SERPINE3: variants seen among roughly 807,000 people sequenced by gnomAD.
SERPINE3 encodes serpin E3.
SERPINE3 carries 43 observed loss-of-function variants against 41.7 expected under a neutral mutation model. The observed-to-expected ratio is 1.03, with a 90% confidence interval of 0.81 to 1.33. The LOEUF (loss-of-function observed/expected upper bound fraction) is 1.33. Ranked by LOEUF, SERPINE3 falls within the 40% of genes most tolerant of loss-of-function variation. SERPINE3 has a pLI of 0.00. For missense variants in SERPINE3, 440 were observed against 491.7 expected (o/e 0.89, Z 0.99); for synonymous variants, 200 against 192.2 (o/e 1.04, Z -0.34).
chr13:51,357,158 T>C (rs1014980229), intron 7 of SERPINE3, among the ~76,000 whole-genome samples: 2 of 152,220 alleles, frequency 1.3e-5, no homozygotes, highest in East Asian at 1.9e-4. Flanking sequence ...CGGCCCTTTA[T>C]AGAAAAAGAT....
chr13:51,342,327 C>T (rs1955301626), intron 3 of SERPINE3, among the ~76,000 whole-genome samples: 1 of 152,154 alleles, frequency 6.6e-6, no homozygotes, highest in Non-Finnish European at 1.5e-5. Context: ...ACCACCTATA[C>T]CTGGGTGACA....
chr13:51,354,581 C>A (rs1955451485), intron 6 of SERPINE3, among the ~76,000 whole-genome samples: 2 of 149,130 alleles, frequency 1.3e-5, no homozygotes, highest in Non-Finnish European at 3.0e-5. Flanking sequence ...CATAGGGAGA[C>A]CCCATCTCAG....
chr13:51,348,262 T>C lies in SERPINE3; in HGVS notation c.750T>C (p.Pro250=). The change falls in exon 6 of 10, where the codon CCT becomes CCC. Residue 250 remains proline, a synonymous_variant. Transcript: ENST00000681248. Reference sequence around the variant, plus strand: ...ATCAGGTGGGGGTGCTGGAGCTTCCTTACCTGGGAAGTGCAGTGAGTCTGT... The same window carrying C: ...ATCAGGTGGGGGTGCTGGAGCTTCCCTACCTGGGAAGTGCAGTGAGTCTGT... ...AGHQVGVLEL[P]YLGSAVSLFL... is the part of the protein sequence containing the mutation. 1 of 1,608,338 alleles carries C rather than the reference T, an allele frequency of 6.2e-7. No homozygotes were observed.
chr13:51,345,689 T>G (rs1955339814), intron 4 of SERPINE3, among the ~76,000 whole-genome samples: 1 of 152,010 alleles, frequency 6.6e-6, no homozygotes, highest in African/African-American at 2.4e-5. Context: ...ATGGCAGAAT[T>G]AAATGCAAAA....
chr13:51,343,396 G>A (rs1297263450), intron 3 of SERPINE3, among the ~76,000 whole-genome samples: 55 of 152,202 alleles, frequency 3.6e-4, no homozygotes, highest in Admixed American at 3.5e-3. Flanking sequence ...AAGAGCCCTC[G>A]TTCCAGCTAT....
chr13:51,344,116 CT>C, intron 3 of SERPINE3, 135 bp from the exon 4 acceptor site: 1 of 674,294 alleles, frequency 1.5e-6, no homozygotes, highest in South Asian at 1.8e-5. Flanking sequence ...TTCAAACTGG[CT>C]TTGTATGGTA....
intron 1 of SERPINE3, among the ~76,000 whole-genome samples, 165 bp downstream of exon 1, chr13:51,339,908 G>GACAC (rs148600846): frequency 6.6e-6 from 1 of 151,034 alleles, no homozygotes; most frequent in East Asian, 1.9e-4. Context: ...CCTGGGCTGG[G>GACAC]ACACACACAC....
At chr13:51,354,940 G>A (rs886373005) in intron 6 of SERPINE3, 103 bp from the exon 7 acceptor site, 1 of 649,908 alleles carries the variant, frequency 1.5e-6, no homozygotes, top group Admixed American at 2.5e-5. Flanking sequence ...ATCTGGTGGA[G>A]CCAGCCTGAC....
At chr13:51,350,093 A>G (rs1255746317) in intron 6 of SERPINE3, among the ~76,000 whole-genome samples, 3 of 152,152 alleles carry the variant, frequency 2.0e-5, no homozygotes, top group African/African-American at 4.8e-5. Context: ...TTCTTTTAGT[A>G]TGACTTGCTC....
chr13:51,343,299 G>A lies in SERPINE3; in HGVS notation c.257-953G>A, dbSNP rs533355462. On this transcript the variant is annotated intron_variant, in intron 3 of 9. Transcript: ENST00000681248. The stretch of plus-strand genomic sequence containing the variant: ...GGGAGTAGAAGCAGCCTAAGCAAGG[G>A]GGCTTCACTTCTGGAAACACTCAGC... Among the ~76,000 whole-genome samples, 3 of 152,278 alleles carry A rather than the reference G, an allele frequency of 2.0e-5. No individual in the cohort carries two copies. In the South Asian group the frequency reaches 6.2e-4, roughly 32 times the overall value.
At chr13:51,347,393 G>A (rs1006764304) in intron 5 of SERPINE3, among the ~76,000 whole-genome samples, 159 bp downstream of exon 5, 3 of 152,186 alleles carry the variant, frequency 2.0e-5, no homozygotes, top group African/African-American at 7.2e-5. Context: ...AGACTAAGGT[G>A]CCCGGAGACT....
At chr13:51,360,657 C>A (rs562705819) in intron 7 of SERPINE3, among the ~76,000 whole-genome samples, 1 of 152,188 alleles carries the variant, frequency 6.6e-6, no homozygotes, top group South Asian at 2.1e-4. Context: ...TTTGTAGATT[C>A]TAGCCCATGA....
At chr13:51,360,447 A>C (rs1955555025) in intron 7 of SERPINE3, among the ~76,000 whole-genome samples, 1 of 152,002 alleles carries the variant, frequency 6.6e-6, no homozygotes, top group Non-Finnish European at 1.5e-5. Flanking sequence ...ATGATTTCCT[A>C]AGTTTCTTCT....
rs1311160331 is a variant in SERPINE3, at chr13:51,345,390, T to C, written c.490+905T>C. Among the ~76,000 whole-genome samples, 3 of 151,940 alleles carry C rather than the reference T, an allele frequency of 2.0e-5. No homozygotes were observed. In the East Asian group the frequency reaches 5.8e-4, roughly 29 times the overall value. The stretch of plus-strand genomic sequence containing the variant: ...CGGGCAGATCACGAGGTCAGGAGTT[T>C]GAGACTAGCCTGGCCAACATGGTGA... On this transcript the variant is annotated intron_variant, in intron 4 of 9. Transcript: ENST00000681248.
intron 7 of SERPINE3, among the ~76,000 whole-genome samples, chr13:51,360,607 CTG>C (rs1955558188): frequency 1.3e-5 from 2 of 152,060 alleles, no homozygotes; most frequent in African/African-American, 4.8e-5. Context: ...ATCTGTGAAA[CTG>C]TTAGCACATA....
At chr13:51,354,315 C>CT (rs1955446570) in intron 6 of SERPINE3, 1 of 152,054 alleles carries the variant, frequency 6.6e-6, no homozygotes, top group Non-Finnish European at 1.5e-5. Context: ...TTCTTAAACT[C>CT]TTTAAGTCTT....
intron 9 of SERPINE3, 142 bp downstream of exon 9, chr13:51,362,035 T>C: frequency 6.3e-7 from 1 of 1,591,840 alleles, no homozygotes; most frequent in Non-Finnish European, 8.5e-7. Flanking sequence ...CCAGTTGCTA[T>C]CTTCTATCCT....
intron 3 of SERPINE3, among the ~76,000 whole-genome samples, chr13:51,343,155 A>C (rs1306441747): frequency 6.6e-6 from 1 of 152,206 alleles, no homozygotes; most frequent in Non-Finnish European, 1.5e-5. Flanking sequence ...GACAGACCCC[A>C]AGTGAGTGAG....
rs111371936 is a variant in SERPINE3 at position 51,354,641 on chromosome 13, C to G, written c.900-402C>G. On this transcript the variant is annotated intron_variant, in intron 6 of 9. Transcript: ENST00000681248. ...AATGAATTGGGATAGCCACTTTTCT[C>G]AGGTAGTTTACAATAACATAAATGA... 2.1e-3 allele frequency among the ~76,000 whole-genome samples: 324 copies of G among 151,738 alleles called. 2 individuals are homozygous for G. Among genetic ancestry groups the G allele is most frequent in the African/African-American group, 6.8e-3 (281 of 41,390 alleles).
Sources: gnomAD v4.1 joint callset for allele counts (sites outside exome capture counted in the v4.1 genomes callset) on GRCh38, gnomAD v4.1.1 for gene constraint, MANE v1.5 for transcripts, NCBI Gene and HGNC (gene_info 2026-07-23, HGNC 2026-07-21) for gene names.